The following PDE8B variants were observed in gnomAD, a reference collection of about 807,000 sequenced individuals.
PDE8B encodes the protein phosphodiesterase 8B.
In PDE8B, 26 loss-of-function variants were observed where a neutral mutation model predicts 101.3. The ratio of observed to expected loss-of-function variants is 0.26; its 90% CI spans 0.19 to 0.36. The LOEUF is 0.36. PDE8B is among the 10% of genes least tolerant of loss of function. PDE8B has a pLI of 1.00. For missense variants in PDE8B, 810 were observed against 1,163.1 expected (o/e 0.70, Z 4.42); for synonymous variants, 424 against 429.3 (o/e 0.99, Z 0.15).
At chr5:77,363,022 A>G (rs967708406) in intron 10 of PDE8B, among the ~76,000 whole-genome samples, 4 of 152,208 alleles carry the variant, frequency 2.6e-5, no homozygotes, top group African/African-American at 7.2e-5. Flanking sequence ...CACTTAGTAA[A>G]GATTTGATCA....
In PDE8B at chr5:77,314,600, A is replaced by G. The variant is rs189496585; in HGVS notation, c.399+2547A>G. On this transcript the variant is annotated intron_variant, in intron 2 of 21. Transcript: ENST00000264917. Reference sequence around the variant, plus strand: ...TCATGTATTAGTTTTTTGTGAATATAGAAATTCCTATAATCCTAAGCATTA... The same window carrying G: ...TCATGTATTAGTTTTTTGTGAATATGGAAATTCCTATAATCCTAAGCATTA... Among the ~76,000 whole-genome samples the G allele has an allele frequency of 9.2e-5, 14 of 152,276 alleles. No homozygotes were observed. The East Asian group carries it at 2.7e-3, about 29-fold the overall frequency.
intron 1 of PDE8B, among the ~76,000 whole-genome samples, chr5:77,218,590 G>T (rs963874785): frequency 6.6e-6 from 1 of 152,198 alleles, no homozygotes; most frequent in Admixed American, 6.5e-5. Flanking sequence ...AGGGGAGCAG[G>T]GAGCCTCGTG....
intron 10 of PDE8B, among the ~76,000 whole-genome samples, chr5:77,354,461 T>C (rs568034158): frequency 6.6e-6 from 1 of 152,248 alleles, no homozygotes; most frequent in South Asian, 2.1e-4. Flanking sequence ...AAGGAAAGAA[T>C]GGCCTTTCAT....
At chr5:77,137,970 T>C in the PDE8B span, among the ~76,000 whole-genome samples, 1 of 151,954 alleles carries the variant, frequency 6.6e-6, no homozygotes, top group Non-Finnish European at 1.5e-5. Context: ...GTTGCCAAGG[T>C]AGCTGGAAAG....
At chr5:77,394,032 TACAAA>T (rs1459937527) in intron 10 of PDE8B, among the ~76,000 whole-genome samples, 1 of 152,206 alleles carries the variant, frequency 6.6e-6, no homozygotes, top group African/African-American at 2.4e-5. Flanking sequence ...TGTGTCCTGT[TACAAA>T]ACAAAACAGA....
At chr5:77,296,164 T>A (rs987649914) in intron 1 of PDE8B, among the ~76,000 whole-genome samples, 6 of 105,634 alleles carry the variant, frequency 5.7e-5, no homozygotes, top group African/African-American at 1.8e-4. Context: ...CTTCATCATC[T>A]TCTTCTTTTT....
the PDE8B span, among the ~76,000 whole-genome samples, chr5:77,182,877 T>G: frequency 6.6e-6 from 1 of 151,944 alleles, no homozygotes; most frequent in South Asian, 2.1e-4. Flanking sequence ...CTCTTTAGCT[T>G]TTTAATTTAG....
At chr5:77,378,009 TACACACACACACACACACAC>T (rs3031820) in intron 10 of PDE8B, among the ~76,000 whole-genome samples, 6,577 of 134,484 alleles carry the variant, frequency 0.049, 264 homozygotes, top group African/African-American at 0.13. Context: ...CCTCTCTCTC[TACACACACACACACACACAC>T]ACACACACAC....
chr5:77,088,559 T>C, the PDE8B span: 1 of 134,126 alleles, frequency 7.5e-6, no homozygotes, highest in East Asian at 2.1e-4. Context: ...CTCAGTAGGA[T>C]GGATGGGGAG....
At chr5:77,197,557 A>G in the PDE8B span, among the ~76,000 whole-genome samples, 1 of 151,698 alleles carries the variant, frequency 6.6e-6, no homozygotes, top group Admixed American at 6.6e-5. Context: ...TTAAGGTAGA[A>G]TCTTAGATTA....
chr5:77,214,227 A>G (rs1749145584), intron 1 of PDE8B, among the ~76,000 whole-genome samples: 3 of 152,198 alleles, frequency 2.0e-5, no homozygotes, highest in Non-Finnish European at 4.4e-5. Flanking sequence ...AGCTGTTCCT[A>G]CTTGGGAGCA....
intron 10 of PDE8B, among the ~76,000 whole-genome samples, chr5:77,361,052 G>A (rs1483048727): frequency 1.3e-5 from 2 of 152,172 alleles, no homozygotes; most frequent in African/African-American, 4.8e-5. Context: ...GAAGTAATAA[G>A]TACTTACATT....
At chr5:77,369,103 T>C (rs1784621569) in intron 10 of PDE8B, among the ~76,000 whole-genome samples, 1 of 147,020 alleles carries the variant, frequency 6.8e-6, no homozygotes, top group Admixed American at 7.0e-5. Context: ...TTCCAGAGAC[T>C]GAGGCAGGAG....
intron 1 of PDE8B, among the ~76,000 whole-genome samples, chr5:77,263,405 G>A (rs1383606428): frequency 1.3e-5 from 2 of 152,094 alleles, no homozygotes; most frequent in Non-Finnish European, 2.9e-5. Context: ...GTAAATAAAT[G>A]TTTTTATTCT....
chr5:77,400,398 G>A (rs143577740), intron 11 of PDE8B, 108 bp downstream of exon 11: 357 of 796,644 alleles, frequency 4.5e-4, no homozygotes, highest in Non-Finnish European at 5.8e-4. Context: ...CCCAGAATGT[G>A]GAGTGCTAAA....
At chr5:77,207,570 T>C (rs576677816), upstream of PDE8B, among the ~76,000 whole-genome samples, 9 of 152,348 alleles carry the variant, frequency 5.9e-5, no homozygotes, top group South Asian at 1.7e-3. Context: ...GGCCTTATTC[T>C]GTAACTTAGG....
At chr5:77,176,564 T>C in the PDE8B span, among the ~76,000 whole-genome samples, 231 of 152,316 alleles carry the variant, frequency 1.5e-3, no homozygotes, top group Admixed American at 5.6e-3. Context: ...TCATATTGAC[T>C]ACTACCTACT....
intron 1 of PDE8B, among the ~76,000 whole-genome samples, chr5:77,245,430 A>G (rs962978631): frequency 6.6e-6 from 1 of 152,236 alleles, no homozygotes; most frequent in Non-Finnish European, 1.5e-5. Context: ...TAAAAGAGAC[A>G]TATGGGTAGT....
At chr5:77,151,160 T>A in the PDE8B span, 7 of 152,266 alleles carry the variant, frequency 4.6e-5, no homozygotes, top group Non-Finnish European at 7.3e-5. Context: ...AATGGGAATG[T>A]GCAGATGTGA....
Sources: gnomAD v4.1 joint callset for allele counts (sites outside exome capture counted in the v4.1 genomes callset) on GRCh38, gnomAD v4.1.1 for gene constraint, MANE v1.5 for transcripts, NCBI Gene and HGNC (gene_info 2026-07-23, HGNC 2026-07-21) for gene names.